The following PLXDC2 variants were observed in gnomAD, a reference collection of about 807,000 sequenced individuals.
PLXDC2 encodes the protein plexin domain-containing protein 2.
A neutral mutation model predicts 68.9 loss-of-function variants in PLXDC2; 40 were observed. The observed-to-expected ratio is 0.58, with a 90% CI of 0.45 to 0.76. The LOEUF is 0.76. Ranked by LOEUF, PLXDC2 falls within the 30% of genes least tolerant of loss-of-function variation. PLXDC2 has a pLI of 0.00. For synonymous variants in PLXDC2, 243 were observed against 234.2 expected (o/e 1.04, Z -0.34); for missense variants, 644 against 661.9 (o/e 0.97, Z 0.30).
intron 3 of PLXDC2, among the ~76,000 whole-genome samples, chr10:20,053,839 G>C (rs1463713569): frequency 1.3e-5 from 2 of 151,954 alleles, no homozygotes; most frequent in African/African-American, 4.8e-5. Context: ...GGAAGAAAGG[G>C]GGTAAAAATG....
At position 20,044,207 on chromosome 10, in the gene PLXDC2, CTCTGTCTTTCTTTCTTTCTTTCTTTCTT is replaced by C. The variant is rs1284496363; in HGVS notation, c.325-2658_325-2631del. On this transcript the variant is annotated intron_variant, in intron 2 of 13. Transcript: ENST00000377252. ...TTTCTTTCTTTCTCTCTCTCTCTCT[CTCTGTCTTTCTTTCTTTCTTTCTTTCTT>C]TCTTTCTTTCTTTCTTTCTTTCTTT... Among the ~76,000 whole-genome samples, 13 of 90,002 alleles carry C rather than the reference CTCTGTCTTTCTTTCTTTCTTTCTTTCTT, an allele frequency of 1.4e-4. 1 individual carries two copies. Among genetic ancestry groups the C allele is most frequent in the African/African-American group, 4.8e-4 (10 of 20,634 alleles). 59.0% of individuals were successfully genotyped at this position (90,002 alleles called of 152,430 possible).
intron 12 of PLXDC2, among the ~76,000 whole-genome samples, chr10:20,241,136 AT>A (rs5783731): frequency 0.87 from 132,050 of 152,108 alleles, 57,740 homozygotes; most frequent in Middle Eastern, 0.94. Context: ...GTAAAGGAAC[AT>A]TTTTTAAAAG....
intron 13 of PLXDC2, among the ~76,000 whole-genome samples, chr10:20,271,911 T>G (rs994039617): frequency 6.6e-6 from 1 of 152,254 alleles, no homozygotes; most frequent in Non-Finnish European, 1.5e-5. Context: ...CAAGTTTTTA[T>G]GTACAAATAT....
intron 1 of PLXDC2, among the ~76,000 whole-genome samples, chr10:19,964,748 T>A (rs781394521): frequency 1.3e-5 from 2 of 152,114 alleles, no homozygotes; most frequent in Non-Finnish European, 2.9e-5. Context: ...TTTGTTTTTT[T>A]TTTCTTCACT....
At chr10:19,830,733 A>C (rs1469871240) in intron 1 of PLXDC2, among the ~76,000 whole-genome samples, 4 of 136,440 alleles carry the variant, frequency 2.9e-5, no homozygotes, top group African/African-American at 8.5e-5. Flanking sequence ...GCTCCGGAAA[A>C]GAGAAGGTTT....
chr10:19,946,551 A>T (rs1833903842), intron 1 of PLXDC2, among the ~76,000 whole-genome samples: 1 of 151,130 alleles, frequency 6.6e-6, no homozygotes, highest in Admixed American at 6.6e-5. Context: ...TCCTGGATTG[A>T]TCTAGTGGGC....
At chr10:19,845,533 AC>A (rs1302765115) in intron 1 of PLXDC2, among the ~76,000 whole-genome samples, 1 of 152,084 alleles carries the variant, frequency 6.6e-6, no homozygotes, top group East Asian at 1.9e-4. Context: ...AGGGCAGGTG[AC>A]CCCCAAAGTG....
At chr10:20,238,692 T>TATATATATATATATATATATAA (rs778584936) in intron 12 of PLXDC2, among the ~76,000 whole-genome samples, 1 of 118,314 alleles carries the variant, frequency 8.5e-6, no homozygotes, top group African/African-American at 3.2e-5. Context: ...TATATATATA[T>TATATATATATATATATATATAA]ACACACATAT....
intron 1 of PLXDC2, among the ~76,000 whole-genome samples, chr10:19,996,403 G>A (rs552614505): frequency 1.3e-5 from 2 of 152,250 alleles, no homozygotes; most frequent in African/African-American, 4.8e-5. Context: ...GCTACAAAGT[G>A]AGACCCCATC....
chr10:20,110,402 G>A (rs1288648861), intron 4 of PLXDC2, among the ~76,000 whole-genome samples: 7 of 152,212 alleles, frequency 4.6e-5, no homozygotes, highest in African/African-American at 7.2e-5. Context: ...TGTCTCTCCC[G>A]CAATCTTTCT....
chr10:20,087,618 T>A (rs547410747), intron 4 of PLXDC2, among the ~76,000 whole-genome samples: 51 of 152,328 alleles, frequency 3.3e-4, no homozygotes, highest in African/African-American at 1.1e-3. Flanking sequence ...GTTTAAATAG[T>A]TAAGCCTTGA....
intron 9 of PLXDC2, among the ~76,000 whole-genome samples, chr10:20,192,108 G>T (rs77217486): frequency 0.028 from 4,312 of 152,034 alleles, 78 homozygotes; most frequent in Middle Eastern, 0.071. Flanking sequence ...CTTACCCGAG[G>T]TTATGAAACT....
At chr10:20,084,822 G>A (rs1158611795) in intron 4 of PLXDC2, among the ~76,000 whole-genome samples, 2 of 151,286 alleles carry the variant, frequency 1.3e-5, no homozygotes, top group Non-Finnish European at 2.9e-5. Context: ...TCAAGAATGT[G>A]TACAATGAAG....
In PLXDC2 at chr10:20,177,372, A is replaced by C. The variant is rs779075601; in HGVS notation, c.1024A>C (p.Ile342Leu). ...ATGTGGCCCCTGTGTATCTTCTCAG[A>C]TTGGCTTCAACTGCAGTTGGTGTAG... ...NRCGPCVSSQ[I>L]GFNCSWCSKL... is the part of the protein sequence containing the mutation. The change falls in exon 9 of 14, where the codon ATT becomes CTT. Residue 342 changes from isoleucine to leucine, a missense_variant. By Grantham distance (5) the Ile-to-Leu change is conservative (BLOSUM62 2). Transcript: ENST00000377252. 2.5e-6 allele frequency: 4 copies of C among 1,601,912 alleles called. No homozygotes were observed. The highest frequency in any genetic ancestry group is 2.7e-5 in the African/African-American group (2 of 74,500).
At chr10:20,172,785 T>C (rs1304398250) in intron 7 of PLXDC2, among the ~76,000 whole-genome samples, 2 of 152,196 alleles carry the variant, frequency 1.3e-5, no homozygotes, top group African/African-American at 4.8e-5. Context: ...TTAGGAACTC[T>C]GGCCATTTAA....
At chr10:20,082,051 A>AAAAAAAC (rs1836570268) in intron 4 of PLXDC2, among the ~76,000 whole-genome samples, 2 of 142,054 alleles carry the variant, frequency 1.4e-5, no homozygotes, top group Non-Finnish European at 3.0e-5. Context: ...ATCTGAAAAA[A>AAAAAAAC]AAAAAAAAAA....
rs149300109 is a variant in PLXDC2 at position 20,189,014 on chromosome 10, T to A, written c.1061+11605T>A. Among the ~76,000 whole-genome samples the A allele has an allele frequency of 4.5e-3, 591 of 132,366 alleles. 33 individuals carry two copies. Among genetic ancestry groups the A allele is most frequent in the African/African-American group, 0.014 (551 of 40,310 alleles). 86.8% of individuals were successfully genotyped at this position (132,366 alleles called of 152,430 possible). On this transcript the variant is annotated intron_variant, in intron 9 of 13. Transcript: ENST00000377252. ...ACAAGACCTTTTATAATCAGTTTTT[T>A]TTTTCAAATTTTAATGAAGAATCTT...
intron 1 of PLXDC2, among the ~76,000 whole-genome samples, chr10:19,975,669 C>A (rs1834443185): frequency 6.6e-6 from 1 of 152,006 alleles, no homozygotes; most frequent in Non-Finnish European, 1.5e-5. Flanking sequence ...AGTTGGATTC[C>A]CTATTTCATA....
chr10:19,848,242 C>T (rs2131323835), intron 1 of PLXDC2, among the ~76,000 whole-genome samples: 1 of 152,262 alleles, frequency 6.6e-6, no homozygotes, highest in East Asian at 1.9e-4. Flanking sequence ...ACAAGACGTA[C>T]CTATTTCTGG....
Sources: allele counts gnomAD v4.1 joint callset (sites outside exome capture counted in the v4.1 genomes callset), GRCh38; gene constraint gnomAD v4.1.1; transcripts MANE v1.5; gene names NCBI Gene and HGNC (gene_info 2026-07-23, HGNC 2026-07-21).